Variants in SEZ6L observed in about 807,000 individuals in gnomAD.
SEZ6L encodes seizure 6-like protein.
SEZ6L carries 37 observed loss-of-function variants against 106.2 expected under a neutral mutation model. The ratio of observed to expected loss-of-function variants is 0.35; its 90% CI spans 0.27 to 0.46. SEZ6L has a LOEUF of 0.46. Ranked by LOEUF, SEZ6L falls within the 20% of genes least tolerant of loss-of-function variation. The pLI is 1.00. For missense variants in SEZ6L, 1,172 were observed against 1,332.8 expected, an observed-to-expected ratio of 0.88 and a Z score of 1.88; for synonymous variants, 541 against 570.4, an observed-to-expected ratio of 0.95 and a Z score of 0.73.
intron 1 of SEZ6L, among the ~76,000 whole-genome samples, chr22:26,190,181 G>A (rs937971797): frequency 6.6e-6 from 1 of 152,004 alleles, no homozygotes; most frequent in Non-Finnish European, 1.5e-5. Context: ...CCATTTGGAA[G>A]TTTTTATTCT....
intron 1 of SEZ6L, among the ~76,000 whole-genome samples, chr22:26,279,686 G>T (rs765818596): frequency 6.6e-6 from 1 of 152,188 alleles, no homozygotes. Context: ...CCCGCTTCCT[G>T]TCACCCTTGC....
intron 10 of SEZ6L, among the ~76,000 whole-genome samples, chr22:26,346,883 T>C (rs1038575589): frequency 2.6e-5 from 4 of 152,152 alleles, no homozygotes; most frequent in Non-Finnish European, 5.9e-5. Context: ...TATTCAGTGT[T>C]GGTAGGGACT....
intron 9 of SEZ6L, among the ~76,000 whole-genome samples, chr22:26,322,903 G>T (rs2082195680): frequency 6.6e-6 from 1 of 152,066 alleles, no homozygotes; most frequent in Non-Finnish European, 1.5e-5. Flanking sequence ...TTTTCATATT[G>T]CTCTCCTCTC....
chr22:26,204,906 C>A (rs942664727), intron 1 of SEZ6L, among the ~76,000 whole-genome samples: 2 of 152,318 alleles, frequency 1.3e-5, no homozygotes, highest in African/African-American at 4.8e-5. Context: ...CCCTGCCCAG[C>A]TCTATCTCTC....
intron 1 of SEZ6L, among the ~76,000 whole-genome samples, chr22:26,270,463 G>GGGGT (rs148876474): frequency 6.8e-6 from 1 of 146,264 alleles, no homozygotes; most frequent in African/African-American, 2.5e-5. Flanking sequence ...AATTGTGAGG[G>GGGGT]GTGTGTGTGT....
At chr22:26,213,691 G>C (rs952131413) in intron 1 of SEZ6L, among the ~76,000 whole-genome samples, 1 of 152,202 alleles carries the variant, frequency 6.6e-6, no homozygotes, top group Non-Finnish European at 1.5e-5. Flanking sequence ...GATTTTAAGA[G>C]GCTGAGGCAG....
At chr22:26,373,375 A>C (rs373217939) in intron 13 of SEZ6L, 76 bp from the exon 14 acceptor site, 33 of 1,340,630 alleles carry the variant, frequency 2.5e-5, no homozygotes, top group Admixed American at 1.1e-4. Context: ...TTTTGCATCA[A>C]ATTTTTTGGC....
At chr22:26,267,140 C>G (rs2080217337) in intron 1 of SEZ6L, among the ~76,000 whole-genome samples, 1 of 152,158 alleles carries the variant, frequency 6.6e-6, no homozygotes, top group Non-Finnish European at 1.5e-5. Flanking sequence ...ATTTAATTCT[C>G]ACAACTACCA....
At chr22:26,376,517 G>A (rs1480214424) in intron 15 of SEZ6L, among the ~76,000 whole-genome samples, 1 of 152,120 alleles carries the variant, frequency 6.6e-6, no homozygotes, top group African/African-American at 2.4e-5. Context: ...CAACGCAGGT[G>A]AATCACTTGA....
intron 1 of SEZ6L, among the ~76,000 whole-genome samples, chr22:26,192,096 C>T (rs1940259162): frequency 6.6e-6 from 1 of 152,174 alleles, no homozygotes; most frequent in African/African-American, 2.4e-5. Context: ...CTTCATCCAT[C>T]CAACCGTCCA....
intron 6 of SEZ6L, among the ~76,000 whole-genome samples, chr22:26,308,667 G>GA (rs5844685): frequency 1.2e-4 from 18 of 151,572 alleles, no homozygotes; most frequent in South Asian, 8.3e-4. Flanking sequence ...GTCCTGCAGG[G>GA]AAAAAAAAGT....
intron 1 of SEZ6L, among the ~76,000 whole-genome samples, chr22:26,212,545 C>A (rs2078190821): frequency 6.6e-6 from 1 of 152,152 alleles, no homozygotes; most frequent in Non-Finnish European, 1.5e-5. Context: ...ACCTCAGCCT[C>A]CTGAGTAGCT....
chr22:26,250,797 A>C (rs1005094393), intron 1 of SEZ6L, among the ~76,000 whole-genome samples: 2 of 152,144 alleles, frequency 1.3e-5, no homozygotes, highest in African/African-American at 4.8e-5. Flanking sequence ...TGAATATGGG[A>C]TGTCTTTCTA....
chr22:26,332,453 ATT>A (rs368247917), intron 9 of SEZ6L, among the ~76,000 whole-genome samples: 1 of 145,978 alleles, frequency 6.9e-6, no homozygotes, highest in African/African-American at 2.6e-5. Context: ...CCCAGTCCAG[ATT>A]TTTTTTTTTT....
rs1390764346 is a variant in SEZ6L at position 26,231,440 on chromosome 22, T to G, written c.95-60966T>G. On this transcript the variant is annotated intron_variant, in intron 1 of 16. Transcript: ENST00000248933. Reference sequence around the variant, plus strand: ...GAGCCCTGCCTCCAGTGTCTAGTCCTGCCTCCTACCTCAGCTTGATTCTCA... The same window carrying G: ...GAGCCCTGCCTCCAGTGTCTAGTCCGGCCTCCTACCTCAGCTTGATTCTCA... Among the ~76,000 whole-genome samples the G allele has an allele frequency of 3.2e-4, 48 of 152,222 alleles. 1 individual carries two copies. The highest frequency in any genetic ancestry group is 3.1e-3 in the Admixed American group (47 of 15,284).
At chr22:26,271,527 C>A (rs948699563) in intron 1 of SEZ6L, among the ~76,000 whole-genome samples, 2 of 152,200 alleles carry the variant, frequency 1.3e-5, no homozygotes, top group Non-Finnish European at 2.9e-5. Flanking sequence ...CGGATCCCCC[C>A]TCATGATCAT....
intron 1 of SEZ6L, among the ~76,000 whole-genome samples, chr22:26,282,473 C>T (rs955926237): frequency 1.3e-5 from 2 of 152,200 alleles, no homozygotes; most frequent in Admixed American, 6.5e-5. Context: ...AGACTGTCTT[C>T]CTAGCCCTCA....
chr22:26,304,389 A>AAAGAAAGAAAGAAAGAAAGAAAGAAAG (rs2081562900), intron 5 of SEZ6L, among the ~76,000 whole-genome samples: 2 of 127,346 alleles, frequency 1.6e-5, no homozygotes, highest in African/African-American at 6.5e-5. Context: ...AGAAAGAAAG[A>AAAGAAAGAAAGAAAGAAAGAAAGAAAG]AAGAAAGAAA....
chr22:26,313,295 A>C (rs531536044), intron 8 of SEZ6L, among the ~76,000 whole-genome samples: 1 of 152,278 alleles, frequency 6.6e-6, no homozygotes, highest in East Asian at 1.9e-4. Flanking sequence ...TATTGCCCCC[A>C]TTTTGTAGAG....
Sources: gnomAD v4.1 joint callset for allele counts (sites outside exome capture counted in the v4.1 genomes callset) on GRCh38, gnomAD v4.1.1 for gene constraint, MANE v1.5 for transcripts, NCBI Gene and HGNC (gene_info 2026-07-23, HGNC 2026-07-21) for gene names.